KCNH1: variants seen among roughly 807,000 people sequenced by gnomAD.
The protein encoded by KCNH1 is potassium voltage-gated channel subfamily H member 1, also known as voltage-gated delayed rectifier potassium channel KCNH1.
A neutral mutation model predicts 69.2 loss-of-function variants in KCNH1; 27 were observed. The ratio of observed to expected loss-of-function variants is 0.39; its 90% CI spans 0.29 to 0.54. The LOEUF (loss-of-function observed/expected upper bound fraction) is 0.54, where lower values mean the gene tolerates loss of function less well. Ranked by LOEUF, KCNH1 falls within the 20% of genes least tolerant of loss-of-function variation. The pLI is 0.68. For missense variants in KCNH1, 798 were observed against 1,261.6 expected (o/e 0.63, Z 5.57); for synonymous variants, 456 against 487.7 (o/e 0.93, Z 0.86).
chr1:210,998,550 C>A (rs1043714319), intron 6 of KCNH1, among the ~76,000 whole-genome samples: 1 of 152,178 alleles, frequency 6.6e-6, no homozygotes, highest in Non-Finnish European at 1.5e-5. Flanking sequence ...TAGACTCCCA[C>A]ACGATAATAG....
intron 5 of KCNH1, among the ~76,000 whole-genome samples, chr1:211,033,373 A>G (rs1471178085): frequency 6.6e-6 from 1 of 152,228 alleles, no homozygotes; most frequent in African/African-American, 2.4e-5. Flanking sequence ...TCAGGGATCT[A>G]GAACTAGAAA....
intron 7 of KCNH1, among the ~76,000 whole-genome samples, chr1:210,844,239 C>A (rs552415671): frequency 6.6e-6 from 1 of 152,272 alleles, no homozygotes; most frequent in Admixed American, 6.5e-5. Flanking sequence ...TAGGTTTCTT[C>A]CAGCTAGGTG....
At chr1:211,097,867 A>G (rs1691185907) in intron 3 of KCNH1, among the ~76,000 whole-genome samples, 1 of 152,240 alleles carries the variant, frequency 6.6e-6, no homozygotes, top group African/African-American at 2.4e-5. Context: ...GTGGAGTCAC[A>G]TGCTGGGGAG....
intron 10 of KCNH1, among the ~76,000 whole-genome samples, chr1:210,719,766 ATAATT>A (rs1682408547): frequency 2.0e-5 from 3 of 152,226 alleles, no homozygotes; most frequent in East Asian, 3.8e-4. Context: ...AATAAGATGA[ATAATT>A]TAACTTTTAA....
chr1:210,822,215 G>A (rs184930873), intron 7 of KCNH1, among the ~76,000 whole-genome samples: 1 of 152,144 alleles, frequency 6.6e-6, no homozygotes, highest in East Asian at 1.9e-4. Context: ...AATTTTGAAA[G>A]GTAAATGGGA....
rs542861227 is a variant in KCNH1 at position 210,684,799 on chromosome 1, T to TAACA, written c.2113-665_2113-662dup. 9.8e-5 allele frequency among the ~76,000 whole-genome samples: 15 copies of TAACA among 152,344 alleles called. No homozygotes were observed. In the South Asian group the frequency reaches 3.1e-3, roughly 32 times the overall value. Reference sequence around the variant, plus strand: ...TGTAAAGTTGAACATAAACTTGTCCTAACAATAATACCCATCACTTGGACA... The same window carrying TAACA: ...TGTAAAGTTGAACATAAACTTGTCCTAACAAACAATAATACCCATCACTTGGACA... On this transcript the variant is annotated intron_variant, in intron 10 of 10. Transcript: ENST00000271751.
chr1:210,866,163 C>G (rs981155183), intron 7 of KCNH1, among the ~76,000 whole-genome samples: 1 of 152,100 alleles, frequency 6.6e-6, no homozygotes, highest in African/African-American at 2.4e-5. Context: ...CTCTAAAACT[C>G]TTAGATGAAA....
At chr1:210,799,602 C>A (rs909581221) in intron 8 of KCNH1, among the ~76,000 whole-genome samples, 1 of 152,172 alleles carries the variant, frequency 6.6e-6, no homozygotes, top group Non-Finnish European at 1.5e-5. Context: ...CACCTTCAAG[C>A]AAACTTTTCC....
chr1:210,957,163 C>T (rs192209672), intron 6 of KCNH1, among the ~76,000 whole-genome samples: 13 of 152,224 alleles, frequency 8.5e-5, no homozygotes, highest in East Asian at 5.8e-4. Context: ...GCCTTAATTT[C>T]GTTATTTACC....
At chr1:210,760,014 C>A (rs1683484623) in intron 10 of KCNH1, among the ~76,000 whole-genome samples, 1 of 152,154 alleles carries the variant, frequency 6.6e-6, no homozygotes, top group Non-Finnish European at 1.5e-5. Flanking sequence ...GGAGTCTGAA[C>A]CCTATTGTGA....
At chr1:211,101,510 G>GCC (rs1054703771) in intron 3 of KCNH1, among the ~76,000 whole-genome samples, 2 of 152,090 alleles carry the variant, frequency 1.3e-5, no homozygotes, top group African/African-American at 4.8e-5. Flanking sequence ...CTTGTCCAGA[G>GCC]CCCCCACTGG....
At chr1:210,766,740 A>G (rs970271328) in intron 10 of KCNH1, among the ~76,000 whole-genome samples, 1 of 152,236 alleles carries the variant, frequency 6.6e-6, no homozygotes, top group African/African-American at 2.4e-5. Context: ...ATTGCCAACA[A>G]CAAAGTTTGC....
intron 1 of KCNH1, among the ~76,000 whole-genome samples, chr1:211,117,709 G>T (rs1691606576): frequency 6.6e-6 from 1 of 152,182 alleles, no homozygotes; most frequent in Non-Finnish European, 1.5e-5. Flanking sequence ...ATAACAAGTT[G>T]AATTCTAGTC....
chr1:211,093,331 C>CT (rs1186955686), intron 3 of KCNH1, among the ~76,000 whole-genome samples: 12 of 152,204 alleles, frequency 7.9e-5, no homozygotes, highest in African/African-American at 2.7e-4. Flanking sequence ...GTGTGTCTCT[C>CT]TGTCACCCAG....
chr1:211,132,491 T>C (rs962258449), intron 1 of KCNH1: 4 of 152,120 alleles, frequency 2.6e-5, no homozygotes, highest in Admixed American at 6.5e-5. Context: ...AGGCACACAA[T>C]AAAGAAATGA....
intron 6 of KCNH1, among the ~76,000 whole-genome samples, chr1:210,982,783 C>A (rs1688739765): frequency 6.6e-6 from 1 of 152,068 alleles, no homozygotes; most frequent in Non-Finnish European, 1.5e-5. Context: ...GGGTATACAC[C>A]CAGTAATGGG....
chr1:211,070,088 A>G (rs1690607945), intron 5 of KCNH1, among the ~76,000 whole-genome samples: 1 of 151,936 alleles, frequency 6.6e-6, no homozygotes, highest in South Asian at 2.1e-4. Context: ...CACCCACCAA[A>G]CCTCAGATCA....
chr1:210,985,540 A>AC (rs1418943396), intron 6 of KCNH1, among the ~76,000 whole-genome samples: 1 of 151,900 alleles, frequency 6.6e-6, no homozygotes, highest in African/African-American at 2.4e-5. Context: ...TTCGTTATGT[A>AC]CCCAGTAGTC....
At chr1:210,750,032 C>T (rs761266720) in intron 10 of KCNH1, among the ~76,000 whole-genome samples, 11 of 152,266 alleles carry the variant, frequency 7.2e-5, no homozygotes, top group South Asian at 2.1e-4. Flanking sequence ...CGTGAGCCGC[C>T]GCGTCCAGCT....
Sources: allele counts gnomAD v4.1 joint callset (sites outside exome capture counted in the v4.1 genomes callset), GRCh38; gene constraint gnomAD v4.1.1; transcripts MANE v1.5; gene names NCBI Gene and HGNC (gene_info 2026-07-23, HGNC 2026-07-21).